The following SLC24A2 variants were observed in gnomAD, a reference collection of about 807,000 sequenced individuals.
SLC24A2 encodes sodium/potassium/calcium exchanger 2.
In SLC24A2, 36 loss-of-function variants were observed where a neutral mutation model predicts 62.0. The observed-to-expected ratio is 0.58, with a 90% confidence interval of 0.44 to 0.77. The LOEUF (loss-of-function observed/expected upper bound fraction) is 0.77, where lower values mean the gene tolerates loss of function less well. Ranked by LOEUF, SLC24A2 falls within the 30% of genes least tolerant of loss-of-function variation. The pLI, the probability that SLC24A2 is intolerant of heterozygous loss-of-function variation, is 0.00. For missense variants in SLC24A2, 846 were observed against 817.9 expected, an observed-to-expected ratio of 1.03 and a Z score of -0.42; for synonymous variants, 358 against 294.0, an observed-to-expected ratio of 1.22 and a Z score of -2.23.
chr9:19,629,443 G>T (rs1818121455), intron 2 of SLC24A2, among the ~76,000 whole-genome samples: 1 of 152,152 alleles, frequency 6.6e-6, no homozygotes, highest in African/African-American at 2.4e-5. Flanking sequence ...CTAGTATCTG[G>T]GAGTAGAGAA....
At position 19,773,617 on chromosome 9, in the gene SLC24A2, C is replaced by T. The variant is rs949629400; in HGVS notation, c.930+12320G>A. 5.5e-4 allele frequency among the ~76,000 whole-genome samples: 84 copies of T among 152,328 alleles called. 1 individual carries two copies. Among genetic ancestry groups the T allele is most frequent in the Non-Finnish European group, 1.2e-3 (79 of 68,034 alleles). On this transcript the variant is annotated intron_variant, in intron 2 of 10. Coordinates refer to ENST00000341998, the MANE Select transcript of SLC24A2 (RefSeq NM_020344.4). ...CACTCATCATCACCACTATCAACTT[C>T]TTGAAGCATTAAGCGCCCTTTGGCC...
chr9:19,550,334 G>A (rs908040225), intron 7 of SLC24A2, 66 bp from the exon 8 acceptor site: 1 of 1,533,488 alleles, frequency 6.5e-7, no homozygotes, highest in Non-Finnish European at 9.0e-7. Flanking sequence ...CACAACAACA[G>A]GAGCACAGAA....
At chr9:19,853,022 G>C in the SLC24A2 span, among the ~76,000 whole-genome samples, 4 of 152,078 alleles carry the variant, frequency 2.6e-5, no homozygotes, top group African/African-American at 7.2e-5. Context: ...TCCTTGAAGA[G>C]GTCCTTCACT....
At chr9:19,703,399 C>T (rs936947170) in intron 2 of SLC24A2, among the ~76,000 whole-genome samples, 1 of 152,136 alleles carries the variant, frequency 6.6e-6, no homozygotes, top group African/African-American at 2.4e-5. Flanking sequence ...AGAGGGGTTG[C>T]AGAGGGCTTA....
the SLC24A2 span, among the ~76,000 whole-genome samples, chr9:20,017,679 A>G: frequency 1.3e-5 from 2 of 152,302 alleles, no homozygotes; most frequent in Non-Finnish European, 2.9e-5. Context: ...AATGCCCAAG[A>G]GCCCCTGGTA....
At chr9:20,018,453 G>C in the SLC24A2 span, among the ~76,000 whole-genome samples, 438 of 152,214 alleles carry the variant, frequency 2.9e-3, 3 homozygotes, top group African/African-American at 0.01. Flanking sequence ...TCTCTAGGTG[G>C]AGATTACAGG....
the SLC24A2 span, among the ~76,000 whole-genome samples, chr9:20,249,758 GTAA>G: frequency 6.0e-5 from 9 of 148,806 alleles, no homozygotes; most frequent in Non-Finnish European, 1.0e-4. Flanking sequence ...GTAGCACTGA[GTAA>G]TAATATCTGC....
At chr9:20,139,910 C>T in the SLC24A2 span, among the ~76,000 whole-genome samples, 6 of 152,336 alleles carry the variant, frequency 3.9e-5, no homozygotes, top group African/African-American at 1.4e-4. Flanking sequence ...GGCCCAGGCC[C>T]CTGACCCAGC....
At chr9:19,597,981 C>A (rs183976777) in intron 4 of SLC24A2, among the ~76,000 whole-genome samples, 13 of 152,246 alleles carry the variant, frequency 8.5e-5, no homozygotes, top group African/African-American at 2.4e-4. Flanking sequence ...ATCAGCTCCC[C>A]CTCTGTGTAC....
the SLC24A2 span, among the ~76,000 whole-genome samples, chr9:20,186,870 T>C: frequency 2.0e-5 from 3 of 152,198 alleles, no homozygotes; most frequent in African/African-American, 7.2e-5. Context: ...CTTTAGCAAT[T>C]ACATCCATGC....
the SLC24A2 span, among the ~76,000 whole-genome samples, chr9:20,053,290 T>C: frequency 6.6e-6 from 1 of 152,142 alleles, no homozygotes; most frequent in Non-Finnish European, 1.5e-5. Context: ...GCTACCTCCT[T>C]GGAGGGCTAT....
the SLC24A2 span, among the ~76,000 whole-genome samples, chr9:20,006,022 T>C: frequency 4.0e-5 from 6 of 151,896 alleles, no homozygotes; most frequent in African/African-American, 1.4e-4. Context: ...TATATGCTTA[T>C]GTACACACAA....
chr9:19,848,083 C>A, the SLC24A2 span, among the ~76,000 whole-genome samples: 1 of 152,204 alleles, frequency 6.6e-6, no homozygotes, highest in East Asian at 1.9e-4. Context: ...GTCATAATTT[C>A]TTGCCTTATT....
chr9:20,215,153 G>C, the SLC24A2 span, among the ~76,000 whole-genome samples: 1 of 152,218 alleles, frequency 6.6e-6, no homozygotes, highest in Non-Finnish European at 1.5e-5. Flanking sequence ...CATAGATGGT[G>C]CCTTCTCACT....
At chr9:20,220,312 G>T in the SLC24A2 span, among the ~76,000 whole-genome samples, 1 of 152,050 alleles carries the variant, frequency 6.6e-6, no homozygotes, top group African/African-American at 2.4e-5. Flanking sequence ...AAAAGGGCTT[G>T]GTGGAAAAGT....
chr9:20,250,121 C>T, the SLC24A2 span, among the ~76,000 whole-genome samples: 3 of 152,166 alleles, frequency 2.0e-5, no homozygotes, highest in Non-Finnish European at 4.4e-5. Flanking sequence ...TCTTTCTATG[C>T]ATAGTATCAT....
the SLC24A2 span, among the ~76,000 whole-genome samples, chr9:19,887,651 C>T: frequency 0.41 from 61,933 of 151,962 alleles, 13,212 homozygotes; most frequent in East Asian, 0.84. Context: ...GGAGATTCCT[C>T]AAAGAACTAA....
the SLC24A2 span, among the ~76,000 whole-genome samples, chr9:20,152,035 C>G: frequency 2.6e-5 from 4 of 151,878 alleles, no homozygotes; most frequent in African/African-American, 7.2e-5. Flanking sequence ...TTCACCATCT[C>G]CCATGGTATC....
At chr9:19,990,922 G>GAGATATATATATAT in the SLC24A2 span, among the ~76,000 whole-genome samples, 48 of 120,816 alleles carry the variant, frequency 4.0e-4, 1 homozygote, top group African/African-American at 1.6e-3. Context: ...GGACTAATAG[G>GAGATATATATATAT]ATATATATAT....
Sources: allele counts gnomAD v4.1 joint callset (sites outside exome capture counted in the v4.1 genomes callset), GRCh38; gene constraint gnomAD v4.1.1; transcripts MANE v1.5; gene names NCBI Gene and HGNC (gene_info 2026-07-23, HGNC 2026-07-21).